Variants in C12orf42 observed in about 807,000 individuals in gnomAD.
The protein encoded by C12orf42 is uncharacterized protein C12orf42.
Under a neutral mutation model 21.6 loss-of-function variants are expected in C12orf42, and 25 were observed. The ratio of observed to expected loss-of-function variants is 1.16; its 90% CI spans 0.84 to 1.62. C12orf42 has a LOEUF of 1.62. Ranked by LOEUF, C12orf42 falls within the 40% of genes most tolerant of loss-of-function variation. The pLI, the probability that C12orf42 is intolerant of heterozygous loss-of-function variation, is 0.00. For missense variants in C12orf42, 483 were observed against 459.3 expected (o/e 1.05, Z -0.47); for synonymous variants, 174 against 175.0 (o/e 0.99, Z 0.05).
chr12:103,520,530 C>CAACAAA, the C12orf42 span, among the ~76,000 whole-genome samples: 6 of 147,832 alleles, frequency 4.1e-5, no homozygotes, highest in Admixed American at 1.3e-4. Context: ...CCCCTAACAA[C>CAACAAA]AACAACAACA....
chr12:103,275,498 C>T (rs953424330), intron 5 of C12orf42, among the ~76,000 whole-genome samples: 5 of 151,980 alleles, frequency 3.3e-5, no homozygotes, highest in Non-Finnish European at 5.9e-5. Context: ...AGTTTTATGC[C>T]GAACTTCAAA....
At chr12:103,386,551 G>T (rs1386245329) in intron 3 of C12orf42, among the ~76,000 whole-genome samples, 1 of 152,100 alleles carries the variant, frequency 6.6e-6, no homozygotes, top group Non-Finnish European at 1.5e-5. Context: ...CTCTACCACT[G>T]GCAGTCTTCC....
At chr12:103,357,779 A>G (rs1195132009) in intron 4 of C12orf42, among the ~76,000 whole-genome samples, 1 of 152,154 alleles carries the variant, frequency 6.6e-6, no homozygotes, top group African/African-American at 2.4e-5. Context: ...AAGGCCAAGT[A>G]ACAACGTTAT....
chr12:103,094,918 C>T, the C12orf42 span, among the ~76,000 whole-genome samples: 1 of 152,138 alleles, frequency 6.6e-6, no homozygotes, highest in Non-Finnish European at 1.5e-5. Context: ...AAAAATGCAA[C>T]ATCAAAGTTA....
At chr12:103,096,351 T>G in the C12orf42 span, among the ~76,000 whole-genome samples, 9 of 152,238 alleles carry the variant, frequency 5.9e-5, no homozygotes, top group Non-Finnish European at 1.2e-4. Flanking sequence ...GGCTATCATT[T>G]GAATAAAAAT....
At chr12:103,232,513 C>A in the C12orf42 span, among the ~76,000 whole-genome samples, 1 of 152,014 alleles carries the variant, frequency 6.6e-6, no homozygotes, top group Admixed American at 6.6e-5. Context: ...TCGAGACCAT[C>A]CTGGCTAACA....
intron 2 of C12orf42, among the ~76,000 whole-genome samples, chr12:103,434,745 G>A (rs560422664): frequency 6.6e-6 from 1 of 152,204 alleles, no homozygotes; most frequent in Admixed American, 6.5e-5. Flanking sequence ...GGCTTGGAGG[G>A]TCCTACGCCC....
At chr12:103,299,632 C>T (rs1343076325), downstream of C12orf42, among the ~76,000 whole-genome samples, 1 of 152,132 alleles carries the variant, frequency 6.6e-6, no homozygotes, top group East Asian at 1.9e-4. Flanking sequence ...TTATTTTTTA[C>T]AATAGGACCT....
chr12:103,135,171 A>G, the C12orf42 span, among the ~76,000 whole-genome samples: 1 of 152,134 alleles, frequency 6.6e-6, no homozygotes, highest in Non-Finnish European at 1.5e-5. Flanking sequence ...AAGAAAGAGA[A>G]AGGCTGGGCA....
chr12:103,307,647 C>T (rs2038504223), intron 4 of C12orf42, among the ~76,000 whole-genome samples: 1 of 152,052 alleles, frequency 6.6e-6, no homozygotes, highest in African/African-American at 2.4e-5. Flanking sequence ...AATCTGGCTT[C>T]TTAGCCAATT....
chr12:103,131,086 G>A, the C12orf42 span, among the ~76,000 whole-genome samples: 3 of 152,162 alleles, frequency 2.0e-5, no homozygotes, highest in African/African-American at 7.2e-5. Flanking sequence ...CTGCCTACAT[G>A]GGTACCCAAA....
At chr12:103,484,306 C>T (rs998341195) in intron 1 of C12orf42, among the ~76,000 whole-genome samples, 1 of 152,246 alleles carries the variant, frequency 6.6e-6, no homozygotes, top group African/African-American at 2.4e-5. Flanking sequence ...TATTTCTTCA[C>T]ATCTTCTCCA....
At chr12:103,157,585 G>A in the C12orf42 span, among the ~76,000 whole-genome samples, 1 of 152,080 alleles carries the variant, frequency 6.6e-6, no homozygotes, top group African/African-American at 2.4e-5. Context: ...TTTCTAATTG[G>A]GTTTTTATGG....
At chr12:103,469,516 G>T (rs1235173123) in intron 2 of C12orf42, among the ~76,000 whole-genome samples, 1 of 151,888 alleles carries the variant, frequency 6.6e-6, no homozygotes, top group Non-Finnish European at 1.5e-5. Context: ...CTGATTTTTT[G>T]GCCACATAAT....
chr12:103,345,762 T>C (rs1220141107), intron 4 of C12orf42, among the ~76,000 whole-genome samples: 1 of 152,182 alleles, frequency 6.6e-6, no homozygotes, highest in Non-Finnish European at 1.5e-5. Flanking sequence ...GTAAGTCAAC[T>C]GGGTATAATA....
At chr12:103,417,037 A>G (rs2049407450) in intron 2 of C12orf42, among the ~76,000 whole-genome samples, 1 of 152,182 alleles carries the variant, frequency 6.6e-6, no homozygotes, top group Non-Finnish European at 1.5e-5. Flanking sequence ...CTGTAATAAA[A>G]GCTATCTGAA....
the C12orf42 span, among the ~76,000 whole-genome samples, chr12:103,103,578 C>T: frequency 6.6e-6 from 1 of 152,108 alleles, no homozygotes; most frequent in Non-Finnish European, 1.5e-5. Context: ...TTAATCATAG[C>T]CCCTATGGAT....
At chr12:103,051,312 G>A in the C12orf42 span, among the ~76,000 whole-genome samples, 2 of 152,168 alleles carry the variant, frequency 1.3e-5, no homozygotes, top group Admixed American at 6.5e-5. Context: ...CTCTCTCTTC[G>A]GTTATATTAG....
rs181347968 is a variant in C12orf42 at position 103,312,087 on chromosome 12, A to G, written c.260-5742T>C. 3.9e-5 allele frequency among the ~76,000 whole-genome samples: 6 copies of G among 152,206 alleles called. No individual in the cohort carries two copies. The East Asian group carries it at 1.2e-3, about 29-fold the overall frequency. ...ATGTTCCTTTACATTTTGTTCTCATACCAGTAACTCCACTTGAGCCTCACA... is the reference window on the plus strand; with the variant it reads ...ATGTTCCTTTACATTTTGTTCTCATGCCAGTAACTCCACTTGAGCCTCACA... On this transcript the variant is annotated intron_variant, in intron 4 of 5. Transcript: ENST00000548883.
Sources: allele counts gnomAD v4.1 joint callset (sites outside exome capture counted in the v4.1 genomes callset), GRCh38; gene constraint gnomAD v4.1.1; transcripts MANE v1.5; gene names NCBI Gene and HGNC (gene_info 2026-07-23, HGNC 2026-07-21).